Variants in SNX29 observed in about 807,000 individuals in gnomAD.
The protein encoded by SNX29 is sorting nexin-29.
SNX29 carries 78 observed loss-of-function variants against 102.1 expected under a neutral mutation model. The ratio of observed to expected loss-of-function variants is 0.76; its 90% CI spans 0.64 to 0.92. The LOEUF (loss-of-function observed/expected upper bound fraction) is 0.92, where lower values mean the gene tolerates loss of function less well. Ranked by LOEUF, SNX29 falls within the 40% of genes least tolerant of loss-of-function variation. The pLI, the probability that SNX29 is intolerant of heterozygous loss-of-function variation, is 0.00. For missense variants in SNX29, 1,280 were observed against 1,061.7 expected (o/e 1.21, Z -2.86); for synonymous variants, 580 against 414.5 (o/e 1.40, Z -4.85).
intron 15 of SNX29, among the ~76,000 whole-genome samples, chr16:12,302,245 A>G (rs891533330): frequency 6.6e-5 from 10 of 152,352 alleles, no homozygotes; most frequent in African/African-American, 2.4e-4. Context: ...GGCTGTGGCC[A>G]CGTTCCGTCA....
At chr16:12,170,053 C>A (rs759948667) in intron 13 of SNX29, among the ~76,000 whole-genome samples, 1 of 152,066 alleles carries the variant, frequency 6.6e-6, no homozygotes, top group Admixed American at 6.6e-5. Context: ...GCTGGATAAT[C>A]CTTTGTAGTG....
At chr16:12,285,742 G>C (rs2079573439) in intron 15 of SNX29, among the ~76,000 whole-genome samples, 1 of 152,086 alleles carries the variant, frequency 6.6e-6, no homozygotes, top group African/African-American at 2.4e-5. Context: ...AGCAGCATGG[G>C]CTTTTCAATA....
intron 16 of SNX29, chr16:12,367,570 C>T (rs2082531467): frequency 6.6e-6 from 1 of 152,250 alleles, no homozygotes; most frequent in African/African-American, 2.4e-5. Context: ...CAATAAAATG[C>T]TCCCTGGGAC....
rs534120407 is a variant in SNX29, at chr16:12,494,575, G to A, written c.2178+16716G>A. 4.6e-5 allele frequency among the ~76,000 whole-genome samples: 7 copies of A among 152,216 alleles called. No individual in the cohort carries two copies. In the East Asian group the frequency reaches 1.4e-3, roughly 29 times the overall value. On this transcript the variant is annotated intron_variant, in intron 19 of 20. Coordinates refer to ENST00000566228, the MANE Select transcript of SNX29 (RefSeq NM_032167.5). ...AGCTTTAAGTGTCCTGGCAGTACAG[G>A]GCCCAATCTCACTTGCTGAGGAGCC...
chr16:12,292,731 T>G (rs1476524107), intron 15 of SNX29, among the ~76,000 whole-genome samples: 4 of 152,240 alleles, frequency 2.6e-5, no homozygotes, highest in Non-Finnish European at 5.9e-5. Flanking sequence ...TAGTGAGACT[T>G]AGGACTTTGC....
intron 3 of SNX29, among the ~76,000 whole-genome samples, chr16:12,022,456 C>T (rs1176501599): frequency 6.6e-6 from 1 of 152,158 alleles, no homozygotes; most frequent in Non-Finnish European, 1.5e-5. Flanking sequence ...CCACCTCAGC[C>T]TCCCAAAGTG....
At chr16:12,085,405 C>A (rs2052121673) in intron 11 of SNX29, among the ~76,000 whole-genome samples, 1 of 152,214 alleles carries the variant, frequency 6.6e-6, no homozygotes, top group Admixed American at 6.5e-5. Context: ...CGGCTCACTG[C>A]AACCTCCGCC....
At chr16:12,165,488 C>G (rs1224654166) in intron 13 of SNX29, among the ~76,000 whole-genome samples, 2 of 152,224 alleles carry the variant, frequency 1.3e-5, no homozygotes, top group South Asian at 4.1e-4. Flanking sequence ...TCTGTATCAG[C>G]TAAACATTTT....
At chr16:12,462,537 C>T (rs796090673) in intron 18 of SNX29, among the ~76,000 whole-genome samples, 68 of 152,224 alleles carry the variant, frequency 4.5e-4, no homozygotes, top group African/African-American at 1.6e-3. Context: ...TCAGAAATAG[C>T]AGCCACTGTT....
chr16:12,440,119 A>G (rs909146658), intron 18 of SNX29, among the ~76,000 whole-genome samples: 9 of 152,234 alleles, frequency 5.9e-5, no homozygotes, highest in African/African-American at 1.9e-4. Context: ...CGCAAAGGGC[A>G]TAAATTGGAA....
chr16:12,413,478 C>T (rs1251726730), intron 18 of SNX29, among the ~76,000 whole-genome samples: 1 of 151,844 alleles, frequency 6.6e-6, no homozygotes, highest in Non-Finnish European at 1.5e-5. Context: ...CCTGAGGCTA[C>T]AGAGAAGGGA....
chr16:12,441,366 G>A (rs1277649386), intron 18 of SNX29, among the ~76,000 whole-genome samples: 2 of 152,114 alleles, frequency 1.3e-5, no homozygotes, highest in Non-Finnish European at 2.9e-5. Context: ...GGGATTACAT[G>A]TGTGAGCCAC....
At chr16:12,090,439 G>T (rs1286091025) in intron 11 of SNX29, 1 of 152,264 alleles carries the variant, frequency 6.6e-6, no homozygotes, top group African/African-American at 2.4e-5. Context: ...GTTATTGATG[G>T]TAGGTGGTGG....
At chr16:12,554,585 TGGAGCTCCCAAGCCAGA>T (rs1281389870) in intron 20 of SNX29, among the ~76,000 whole-genome samples, 1 of 152,202 alleles carries the variant, frequency 6.6e-6, no homozygotes, top group African/African-American at 2.4e-5. Context: ...CACCAAGACT[TGGAGCTCCCAAGCCAGA>T]GGAGCTCACT....
intron 13 of SNX29, among the ~76,000 whole-genome samples, chr16:12,188,499 G>GT (rs2076567524): frequency 6.6e-6 from 1 of 152,180 alleles, no homozygotes; most frequent in Non-Finnish European, 1.5e-5. Flanking sequence ...CGGCTGTTAA[G>GT]TTTGGAACCC....
At position 12,051,960 on chromosome 16, in the gene SNX29, G is replaced by A. The variant is rs1364834504; in HGVS notation, c.862G>A (p.Ala288Thr). ...GGACGTGTTTAAAAAGACACCTGGG[G>A]CAGGGGAGAGCTCAGAGGACAACTC... is the stretch of plus-strand genomic sequence containing the variant. ...SGDVFKKTPG[A>T]GESSEDNSDR... The change falls in exon 8 of 21, where the codon GCA becomes ACA. Residue 288 changes from alanine (A) to threonine (T), a missense_variant. Transcript: ENST00000566228. 2.5e-6 allele frequency: 4 copies of A among 1,613,776 alleles called. No homozygotes were observed. The South Asian group carries it at 3.3e-5, about 13-fold the overall frequency.
chr16:12,001,154 C>G lies in SNX29; in HGVS notation c.69+1796C>G, dbSNP rs928658756. Among the ~76,000 whole-genome samples the G allele has an allele frequency of 2.0e-5, 3 of 151,972 alleles. No individual in the cohort carries two copies. In the South Asian group the frequency reaches 6.2e-4, roughly 32 times the overall value. ...TTAGATGGAGTCTAGCTCTGTCGCC[C>G]GGGCTGGAGTACAGTGGTGCAGTCT... On this transcript the variant is annotated intron_variant, in intron 2 of 20. Transcript: ENST00000566228.
At chr16:12,021,251 C>T (rs2057011070) in intron 3 of SNX29, among the ~76,000 whole-genome samples, 1 of 151,972 alleles carries the variant, frequency 6.6e-6, no homozygotes, top group Admixed American at 6.6e-5. Flanking sequence ...CAGTGAAACC[C>T]CATCTCTACA....
At chr16:12,435,568 C>G (rs1452578124) in intron 18 of SNX29, among the ~76,000 whole-genome samples, 1 of 152,192 alleles carries the variant, frequency 6.6e-6, no homozygotes, top group Non-Finnish European at 1.5e-5. Flanking sequence ...ATAGCTGTTT[C>G]AGGACACAGT....
Sources: allele counts gnomAD v4.1 joint callset (sites outside exome capture counted in the v4.1 genomes callset), GRCh38; gene constraint gnomAD v4.1.1; transcripts MANE v1.5; gene names NCBI Gene and HGNC (gene_info 2026-07-23, HGNC 2026-07-21).